The following TCTN1 variants were observed in gnomAD, a reference collection of about 807,000 sequenced individuals.
TCTN1 encodes tectonic family member 1, also known as tectonic-1.
Under a neutral mutation model 65.8 loss-of-function variants are expected in TCTN1, and 58 were observed. The observed-to-expected ratio is 0.88, with a 90% CI of 0.71 to 1.10. The LOEUF is 1.10. Ranked by LOEUF, TCTN1 falls within the 50% of genes least tolerant of loss-of-function variation. TCTN1 has a pLI of 0.00. For synonymous variants in TCTN1, 273 were observed against 289.1 expected, an observed-to-expected ratio of 0.94 and a Z score of 0.57; for missense variants, 645 against 719.4, an observed-to-expected ratio of 0.90 and a Z score of 1.18.
chr12:110,620,048 C>T, intron 2 of TCTN1, 92 bp downstream of exon 2: 2 of 1,573,488 alleles, frequency 1.3e-6, no homozygotes, highest in Admixed American at 3.3e-5. Context: ...GCTTAAAAAC[C>T]CAAACCTGAT....
intron 3 of TCTN1, chr12:110,628,037 C>T (rs775452589): frequency 2.0e-5 from 30 of 1,535,486 alleles, no homozygotes; most frequent in Non-Finnish European, 2.4e-5. Flanking sequence ...TTCCTTCTCT[C>T]TCTTCTGTAC....
At chr12:110,624,538 G>A (rs569547736) in intron 2 of TCTN1, among the ~76,000 whole-genome samples, 64 of 150,268 alleles carry the variant, frequency 4.3e-4, no homozygotes, top group Admixed American at 3.2e-3. Flanking sequence ...AAATTGATTG[G>A]GATTTGTCAA....
In TCTN1 at chr12:110,645,106, A is replaced by T. The variant is rs201894544; in HGVS notation, c.1471A>T (p.Ile491Phe). ...GCTGGACTGGGTGCCCATCCACTTC[A>T]TCACCCAGTCATTCAACAGGAAGGT... ...DMLDWVPIHF[I>F]TQSFNRKHFV... The change falls in exon 12 of 15, where the codon ATC becomes TTC. Residue 491 changes from isoleucine to phenylalanine, a missense_variant. Transcript: ENST00000397659. The T allele has an allele frequency of 2.4e-4, 394 of 1,614,036 alleles. 1 individual carries two copies. In the African/African-American group the frequency reaches 4.8e-3, roughly 20 times the overall value.
chr12:110,614,499 G>C (rs963468633), intron 1 of TCTN1, 97 bp downstream of exon 1: 3 of 1,541,408 alleles, frequency 1.9e-6, no homozygotes, highest in East Asian at 2.4e-5. Context: ...CTCTTATTGA[G>C]CACTTACTGT....
intron 1 of TCTN1, among the ~76,000 whole-genome samples, chr12:110,619,556 G>A (rs550370122): frequency 6.6e-6 from 1 of 152,270 alleles, no homozygotes; most frequent in Admixed American, 6.5e-5. Flanking sequence ...AACTGCAAAT[G>A]CCTGGGTTTC....
chr12:110,649,243 T>C lies in TCTN1; in HGVS notation c.*202T>C. The C allele has an allele frequency of 2.9e-6, 2 of 678,306 alleles. 1 individual carries two copies. The highest frequency in any genetic ancestry group is 3.3e-5 in the South Asian group (2 of 60,914). 42.0% of individuals were successfully genotyped at this position (678,306 alleles called of 1,614,324 possible). A position where few individuals can be genotyped will look rare whatever the true frequency, so the allele number is the denominator to read the frequency against. On this transcript the variant is annotated 3_prime_UTR_variant, in exon 15 of 15. Transcript: ENST00000397659. ...GTGGATGGGCAGCTCTTGGTGGTAC[T>C]GGACCTTCCACAAGGCTGTGTCCAC...
At chr12:110,638,838 C>T (rs113280061) in intron 7 of TCTN1, among the ~76,000 whole-genome samples, 96 of 152,268 alleles carry the variant, frequency 6.3e-4, no homozygotes, top group Non-Finnish European at 1.1e-3. Context: ...GTAAGGAACC[C>T]GGGGTTGCCC....
At position 110,640,020 on chromosome 12, in the gene TCTN1, C is replaced by G. The variant is rs760173702; in HGVS notation, c.844-363C>G. The stretch of plus-strand genomic sequence containing the variant: ...ACTATTTTTAGGGATGAGTCATATG[C>G]CTTTGTAAGGCTAGACTTTGTATTT... On this transcript the variant is annotated intron_variant, in intron 7 of 14. Transcript: ENST00000397659. The surrounding 1 kb of genome is among the most constrained non-coding windows in gnomAD (Gnocchi z 4.9). Among the ~76,000 whole-genome samples the G allele has an allele frequency of 5.9e-5, 9 of 152,128 alleles. No individual in the cohort carries two copies. The highest frequency in any genetic ancestry group is 1.3e-4 in the Non-Finnish European group (9 of 68,028).
intron 10 of TCTN1, 24 bp downstream of exon 10, chr12:110,641,651 G>T (rs1162020743): frequency 1.2e-6 from 2 of 1,603,678 alleles, no homozygotes; most frequent in Non-Finnish European, 1.7e-6. Flanking sequence ...TTCTGTAGAG[G>T]GTGGATTTAT....
rs1566001094 is a variant in TCTN1 at position 110,641,526 on chromosome 12, C to A, written c.1105-16C>A. ...AAATGAGAATTATTTGGGGGCATTT[C>A]TGCATTGTCTTTCAGGAAAATACCC... On this transcript the variant is annotated splice_polypyrimidine_tract_variant and intron_variant, in intron 9 of 14. Transcript: ENST00000397659. The A allele has an allele frequency of 6.2e-7, 1 of 1,610,342 alleles. No individual in the cohort carries two copies. Among genetic ancestry groups the A allele is most frequent in the East Asian group, 2.2e-5 (1 of 44,868 alleles).
chr12:110,614,747 T>G (rs1188318371), intron 1 of TCTN1, among the ~76,000 whole-genome samples: 1 of 152,190 alleles, frequency 6.6e-6, no homozygotes, highest in Non-Finnish European at 1.5e-5. Flanking sequence ...AATTAGTGCC[T>G]TGGCTGCACT....
At chr12:110,622,544 T>G (rs1457345459) in intron 2 of TCTN1, among the ~76,000 whole-genome samples, 3 of 151,216 alleles carry the variant, frequency 2.0e-5, no homozygotes, top group African/African-American at 7.3e-5. Context: ...CTGAGCTGGG[T>G]CCTGAAGGAC....
At chr12:110,623,329 T>C (rs770763391) in intron 2 of TCTN1, among the ~76,000 whole-genome samples, 8 of 152,192 alleles carry the variant, frequency 5.3e-5, no homozygotes, top group Admixed American at 3.3e-4. Flanking sequence ...TTGCTTCCCA[T>C]TCCTACTGTC....
In TCTN1 at chr12:110,641,034, GC is replaced by G; in HGVS notation, c.991del (p.Leu331SerfsTer24). 1 of 1,614,214 alleles carries G rather than the reference GC, an allele frequency of 6.2e-7. No homozygotes were observed. The highest frequency in any genetic ancestry group is 8.5e-7 in the Non-Finnish European group (1 of 1,180,036). On this transcript the variant is annotated frameshift_variant, in exon 9 of 15. Coordinates refer to ENST00000397659, the MANE Select transcript of TCTN1 (RefSeq NM_001082538.3). LOFTEE classifies it high-confidence loss of function. ...CVNVVLEVKYSLTYTDAGEVT... is the reference protein window; with the variant it reads ...CVNVVLEVKYXLTYTDAGEVT... ...TCATTTTGTTTTTAGGTAAAGTACA[GC>G]CTCACATACACAGATGCAGGTGAAG...
intron 1 of TCTN1, among the ~76,000 whole-genome samples, chr12:110,616,018 G>A (rs2065009451): frequency 6.6e-6 from 1 of 152,128 alleles, no homozygotes; most frequent in Non-Finnish European, 1.5e-5. Flanking sequence ...TTGTTGATTT[G>A]ATGAATTAGT....
chr12:110,637,500 T>C (rs1180504083), intron 7 of TCTN1, among the ~76,000 whole-genome samples: 1 of 152,084 alleles, frequency 6.6e-6, no homozygotes, highest in Non-Finnish European at 1.5e-5. Context: ...TGATGGATGT[T>C]ACTTGTGTTT....
intron 2 of TCTN1, among the ~76,000 whole-genome samples, chr12:110,623,144 C>T (rs1251411205): frequency 6.6e-6 from 1 of 152,194 alleles, no homozygotes. Context: ...TTCAGAAGTT[C>T]TCATTATCTA....
intron 4 of TCTN1, chr12:110,629,182 T>C: frequency 1.8e-6 from 1 of 557,858 alleles, no homozygotes; most frequent in Non-Finnish European, 3.1e-6. Flanking sequence ...GACATAGACA[T>C]GGGCAAAGAC....
At position 110,642,369 on chromosome 12, in the gene TCTN1, G is replaced by A; in HGVS notation, c.1311G>A (p.Met437Ile). ...VRTPVLFGYT[M>I]QSGCKLRLTG... ...CCCCAGTATTATTTGGTTACACTAT[G>A]CAATCTGGCTGTAAACTAAGGTAAA... is the stretch of plus-strand genomic sequence containing the variant. Residue 437 changes from methionine (M) to isoleucine (I), a missense_variant, in exon 11 of 15, where the codon ATG becomes ATA. Coordinates refer to ENST00000397659, the MANE Select transcript of TCTN1 (RefSeq NM_001082538.3). 6.2e-7 allele frequency: 1 copy of A among 1,614,186 alleles called. No individual in the cohort carries two copies. Among genetic ancestry groups the A allele is most frequent in the Non-Finnish European group, 8.5e-7 (1 of 1,180,034 alleles).
Sources: gnomAD v4.1 joint callset for allele counts (sites outside exome capture counted in the v4.1 genomes callset) on GRCh38, gnomAD v4.1.1 for gene constraint, Gnocchi (gnomAD v3.1) non-coding constraint, MANE v1.5 for transcripts, NCBI Gene and HGNC (gene_info 2026-07-23, HGNC 2026-07-21) for gene names.